RGS7BP: variants seen among roughly 807,000 people sequenced by gnomAD.
RGS7BP encodes the protein regulator of G protein signaling 7-binding protein.
Under a neutral mutation model 31.3 loss-of-function variants are expected in RGS7BP, and 9 were observed. The ratio of observed to expected loss-of-function variants is 0.29; its 90% CI spans 0.17 to 0.50. The LOEUF is 0.50. RGS7BP is among the 20% of genes least tolerant of loss of function. The pLI, the probability that RGS7BP is intolerant of heterozygous loss-of-function variation, is 0.98. For synonymous variants in RGS7BP, 115 were observed against 120.1 expected (o/e 0.96, Z 0.28); for missense variants, 274 against 322.0 (o/e 0.85, Z 1.14).
intron 2 of RGS7BP, chr5:64,539,499 G>GT (rs1349388742): frequency 6.6e-6 from 1 of 152,158 alleles, no homozygotes; most frequent in Non-Finnish European, 1.5e-5. Flanking sequence ...ACGTTTTATA[G>GT]TTTTTCCAGG....
Position 64,561,473 on chromosome 5 carries a change from C to T in RGS7BP, c.333-14301C>T, listed in dbSNP as rs182704596. On this transcript the variant is annotated intron_variant, in intron 2 of 5. Coordinates refer to ENST00000334025, the MANE Select transcript of RGS7BP (RefSeq NM_001029875.3). Reference sequence around the variant, plus strand: ...AGTCCTATCACTGTGTTTACTCTTTCGATGACCTTCAGCAACTTTCACAAC... The same window carrying T: ...AGTCCTATCACTGTGTTTACTCTTTTGATGACCTTCAGCAACTTTCACAAC... Among the ~76,000 whole-genome samples the T allele has an allele frequency of 3.6e-4, 55 of 152,190 alleles. 1 individual carries two copies. The East Asian group carries it at 6.4e-3, about 18-fold the overall frequency.
At chr5:64,598,847 C>A (rs1297729562) in intron 5 of RGS7BP, among the ~76,000 whole-genome samples, 1 of 152,184 alleles carries the variant, frequency 6.6e-6, no homozygotes, top group Non-Finnish European at 1.5e-5. Flanking sequence ...CATGTATTAA[C>A]TGTATTAACT....
intron 2 of RGS7BP, among the ~76,000 whole-genome samples, chr5:64,557,795 T>A (rs776235016): frequency 1.3e-5 from 2 of 152,172 alleles, no homozygotes; most frequent in African/African-American, 2.4e-5. Flanking sequence ...GGACTCTTTG[T>A]TAACTCTTAT....
At chr5:64,576,054 A>G in intron 3 of RGS7BP, 150 bp downstream of exon 3, 2 of 692,638 alleles carry the variant, frequency 2.9e-6, no homozygotes, top group Non-Finnish European at 4.6e-6. Flanking sequence ...ATATAAATGA[A>G]TAAGAAGTCT....
At chr5:64,569,618 C>T (rs1164212392) in intron 2 of RGS7BP, among the ~76,000 whole-genome samples, 1 of 152,138 alleles carries the variant, frequency 6.6e-6, no homozygotes, top group East Asian at 1.9e-4. Context: ...CTGCCCCCAA[C>T]TATCCAATGA....
chr5:64,585,466 A>T (rs1350066375), intron 3 of RGS7BP, among the ~76,000 whole-genome samples: 1 of 152,026 alleles, frequency 6.6e-6, no homozygotes, highest in African/African-American at 2.4e-5. Context: ...AGGAGTGGGG[A>T]AAACACGAGT....
At chr5:64,537,216 C>A (rs1261306772) in intron 2 of RGS7BP, among the ~76,000 whole-genome samples, 1 of 152,178 alleles carries the variant, frequency 6.6e-6, no homozygotes, top group Non-Finnish European at 1.5e-5. Flanking sequence ...TGAAAGAATT[C>A]TCTTGGGCCA....
At chr5:64,582,356 G>A (rs1410975971) in intron 3 of RGS7BP, among the ~76,000 whole-genome samples, 1 of 152,198 alleles carries the variant, frequency 6.6e-6, no homozygotes, top group Non-Finnish European at 1.5e-5. Flanking sequence ...TCAATCAGTT[G>A]TGGCAACAGC....
chr5:64,540,169 T>G (rs957296870), intron 2 of RGS7BP, among the ~76,000 whole-genome samples: 1 of 152,194 alleles, frequency 6.6e-6, no homozygotes, highest in African/African-American at 2.4e-5. Context: ...ATATGCATTT[T>G]TACTGTAAAA....
In RGS7BP at chr5:64,606,039, T is replaced by TATAGAGAG. The variant is rs1423740473; in HGVS notation, c.683-3121_683-3120insTAGAGAGA. Among the ~76,000 whole-genome samples the TATAGAGAG allele has an allele frequency of 4.7e-4, 58 of 123,712 alleles. 3 individuals are homozygous for TATAGAGAG. Among genetic ancestry groups the TATAGAGAG allele is most frequent in the African/African-American group, 1.8e-3 (57 of 32,312 alleles). 81.2% of individuals were successfully genotyped at this position (123,712 alleles called of 152,430 possible). ...CTGGATACATATATATATATATATATAGAGAGAGAGAGAGAGAGAGAAGGC... is the reference window on the plus strand; with the variant it reads ...CTGGATACATATATATATATATATATATAGAGAGAGAGAGAGAGAGAGAGAGAGAAGGC... On this transcript the variant is annotated intron_variant, in intron 5 of 5. Coordinates refer to ENST00000334025, the MANE Select transcript of RGS7BP (RefSeq NM_001029875.3).
At chr5:64,604,895 T>C (rs62372272) in intron 5 of RGS7BP, among the ~76,000 whole-genome samples, 25,681 of 151,954 alleles carry the variant, frequency 0.17, 2,744 homozygotes, top group African/African-American at 0.3. Context: ...TGAGGCTGGG[T>C]ATGGTGGCTT....
chr5:64,583,513 G>A (rs1044067533), intron 3 of RGS7BP, among the ~76,000 whole-genome samples: 8 of 151,978 alleles, frequency 5.3e-5, no homozygotes, highest in Non-Finnish European at 1.0e-4. Context: ...AAAGAGAGGA[G>A]GGGAAAAGAA....
At chr5:64,607,641 T>A (rs369771014) in intron 5 of RGS7BP, among the ~76,000 whole-genome samples, 1 of 152,034 alleles carries the variant, frequency 6.6e-6, no homozygotes, top group African/African-American at 2.4e-5. Context: ...GGTAGCAGAC[T>A]TCAGCAAAAA....
intron 2 of RGS7BP, among the ~76,000 whole-genome samples, chr5:64,546,451 G>T (rs1741661583): frequency 6.6e-6 from 1 of 152,126 alleles, no homozygotes; most frequent in African/African-American, 2.4e-5. Context: ...TCAAAAGTGT[G>T]AAATGCTCCC....
rs190007033 is a variant in RGS7BP at position 64,539,982 on chromosome 5, T to A, written c.332+32105T>A. Reference sequence around the variant, plus strand: ...GTTCAACTGATTTGCACAATTTTTTTAAAAAATCAGTAAAATCTAGTTTTA... The same window carrying A: ...GTTCAACTGATTTGCACAATTTTTTAAAAAAATCAGTAAAATCTAGTTTTA... On this transcript the variant is annotated intron_variant, in intron 2 of 5. Transcript: ENST00000334025. Among the ~76,000 whole-genome samples, 1,405 of 152,194 alleles carry A rather than the reference T, an allele frequency of 9.2e-3. 22 individuals are homozygous for A. The highest frequency in any genetic ancestry group is 0.028 in the African/African-American group (1,148 of 41,540).
intron 5 of RGS7BP, among the ~76,000 whole-genome samples, chr5:64,607,476 C>T (rs552717701): frequency 1.1e-4 from 17 of 152,040 alleles, no homozygotes; most frequent in South Asian, 6.2e-4. Flanking sequence ...CAACTGGAAG[C>T]GGGGCTTCTA....
At chr5:64,545,604 C>T (rs1741640922) in intron 2 of RGS7BP, among the ~76,000 whole-genome samples, 1 of 152,106 alleles carries the variant, frequency 6.6e-6, no homozygotes, top group Admixed American at 6.5e-5. Context: ...TGATGTGAAC[C>T]TGAACTTCAT....
intron 2 of RGS7BP, among the ~76,000 whole-genome samples, chr5:64,533,687 A>G (rs1749431202): frequency 6.6e-6 from 1 of 152,254 alleles, no homozygotes. Flanking sequence ...GATTTTAACA[A>G]CAATTTCACA....
At chr5:64,529,801 TCATGTCATCTCC>T (rs1031866724) in intron 2 of RGS7BP, among the ~76,000 whole-genome samples, 1 of 152,224 alleles carries the variant, frequency 6.6e-6, no homozygotes, top group African/African-American at 2.4e-5. Flanking sequence ...TGTTCTAGCT[TCATGTCATCTCC>T]CATTCTCTGT....
Sources: allele counts gnomAD v4.1 joint callset (sites outside exome capture counted in the v4.1 genomes callset), GRCh38; gene constraint gnomAD v4.1.1; transcripts MANE v1.5; gene names NCBI Gene and HGNC (gene_info 2026-07-23, HGNC 2026-07-21).